DAB1: variants seen among roughly 807,000 people sequenced by gnomAD.
The protein encoded by DAB1 is disabled homolog 1.
In DAB1, 15 loss-of-function variants were observed where a neutral mutation model predicts 64.6. That is an observed-to-expected ratio of 0.23 (90% confidence interval 0.16 to 0.36). The LOEUF is 0.36. Ranked by LOEUF, DAB1 falls within the 10% of genes least tolerant of loss-of-function variation. DAB1 has a pLI of 1.00. For synonymous variants in DAB1, 235 were observed against 251.9 expected (o/e 0.93, Z 0.64); for missense variants, 596 against 706.7 (o/e 0.84, Z 1.78).
At chr1:58,224,465 T>C (rs535403030) in intron 4 of DAB1, among the ~76,000 whole-genome samples, 117 of 152,292 alleles carry the variant, frequency 7.7e-4, no homozygotes, top group African/African-American at 2.6e-3. Context: ...TATTTCTCCA[T>C]TTCCAGTTAT....
intron 3 of DAB1, among the ~76,000 whole-genome samples, chr1:58,416,307 AAAGAAAGT>A (rs1644719514): frequency 6.6e-6 from 1 of 152,174 alleles, no homozygotes; most frequent in Non-Finnish European, 1.5e-5. Context: ...GCATGACCCC[AAAGAAAGT>A]TATTTAATAC....
chr1:58,258,829 G>T (rs185808057), intron 4 of DAB1, among the ~76,000 whole-genome samples: 42 of 152,276 alleles, frequency 2.8e-4, no homozygotes, highest in Non-Finnish European at 3.5e-4. Context: ...TGCCATTGGG[G>T]ATCTGGCCAT....
chr1:58,413,318 C>T (rs753300973), intron 3 of DAB1, among the ~76,000 whole-genome samples: 5 of 152,168 alleles, frequency 3.3e-5, no homozygotes, highest in Non-Finnish European at 5.9e-5. Flanking sequence ...TAGGTAATTA[C>T]ATTAATTATC....
At position 57,926,276 on chromosome 1, in the gene DAB1, C is replaced by T. The variant is rs371218830; in HGVS notation, n.388-42114G>A. Among the ~76,000 whole-genome samples, 4 of 58,694 alleles carry T rather than the reference C, an allele frequency of 6.8e-5. No homozygotes were observed. The South Asian group carries it at 1.5e-3, about 22-fold the overall frequency. 38.5% of individuals were successfully genotyped at this position (58,694 alleles called of 152,430 possible). A position where few individuals can be genotyped will look rare whatever the true frequency, so the allele number is the denominator to read the frequency against. On this transcript the variant is annotated intron_variant and non_coding_transcript_variant, in intron 5 of 20. Coordinates refer to the DAB1 transcript ENST00000485760. ...CGTCCATAAAACTCTCTGAGTTCCA[C>T]TGAGAAAGGCCAGATTTTATGATAC... is the stretch of plus-strand genomic sequence containing the variant.
At chr1:57,805,165 G>A (rs529022250) in intron 6 of DAB1, among the ~76,000 whole-genome samples, 8 of 152,202 alleles carry the variant, frequency 5.3e-5, no homozygotes, top group South Asian at 4.2e-4. Context: ...ATGCTGCTAC[G>A]GACTTTCTCA....
chr1:57,069,168 A>T (rs759891668), intron 8 of DAB1, among the ~76,000 whole-genome samples, 192 bp downstream of exon 8: 1 of 152,198 alleles, frequency 6.6e-6, no homozygotes, highest in Non-Finnish European at 1.5e-5. Flanking sequence ...ACTGTACCTA[A>T]CTAGCTATTA....
chr1:57,057,101 G>T (rs540745940), intron 9 of DAB1, among the ~76,000 whole-genome samples: 8 of 152,248 alleles, frequency 5.3e-5, no homozygotes, highest in African/African-American at 1.4e-4. Flanking sequence ...AAAGATTCAA[G>T]GGATGAGGGT....
intron 7 of DAB1, among the ~76,000 whole-genome samples, chr1:57,567,145 C>A (rs2101523450): frequency 6.6e-6 from 1 of 152,238 alleles, no homozygotes; most frequent in Middle Eastern, 3.4e-3. Context: ...TAAATGTAAT[C>A]CAGCATATAA....
chr1:57,815,363 CG>C (rs1253519775), intron 6 of DAB1, among the ~76,000 whole-genome samples: 1 of 152,098 alleles, frequency 6.6e-6, no homozygotes, highest in Non-Finnish European at 1.5e-5. Context: ...ACCCCATGCC[CG>C]GCCAAAACTA....
At chr1:57,359,343 C>T (rs1679365444) in intron 1 of DAB1, among the ~76,000 whole-genome samples, 1 of 151,894 alleles carries the variant, frequency 6.6e-6, no homozygotes, top group Non-Finnish European at 1.5e-5. Flanking sequence ...GAAAAAAATG[C>T]TCAATATCAC....
intron 7 of DAB1, among the ~76,000 whole-genome samples, chr1:57,636,671 G>C (rs1286004554): frequency 2.6e-5 from 4 of 152,160 alleles, no homozygotes; most frequent in South Asian, 2.1e-4. Context: ...AAAAGAGCAG[G>C]GTGGGTCAAA....
intron 5 of DAB1, among the ~76,000 whole-genome samples, chr1:58,103,136 G>A (rs1351057678): frequency 6.6e-6 from 1 of 152,148 alleles, no homozygotes; most frequent in Non-Finnish European, 1.5e-5. Context: ...CCGATACGTG[G>A]TAATGCACCT....
At chr1:57,256,445 T>G (rs947054272) in intron 2 of DAB1, among the ~76,000 whole-genome samples, 1 of 152,176 alleles carries the variant, frequency 6.6e-6, no homozygotes, top group Non-Finnish European at 1.5e-5. Context: ...ATGTCATGTC[T>G]TTAAGCAAGT....
chr1:57,629,735 G>A (rs1455004844), intron 7 of DAB1, among the ~76,000 whole-genome samples: 6 of 143,236 alleles, frequency 4.2e-5, no homozygotes, highest in Admixed American at 7.0e-5. Flanking sequence ...TCAAGAACTT[G>A]AAAAAAAAAA....
At chr1:57,873,749 AT>A (rs1569894166) in intron 1 of DAB1, among the ~76,000 whole-genome samples, 1 of 152,210 alleles carries the variant, frequency 6.6e-6, no homozygotes, top group Non-Finnish European at 1.5e-5. Flanking sequence ...CATGGGGACA[AT>A]AAGAGTATTC....
intron 2 of DAB1, among the ~76,000 whole-genome samples, chr1:57,177,671 C>T (rs12040013): frequency 0.099 from 15,023 of 152,116 alleles, 1,627 homozygotes; most frequent in African/African-American, 0.27. Flanking sequence ...ATCACTATTC[C>T]ATATAAGGTA....
chr1:58,247,200 T>C (rs1338885861), intron 4 of DAB1, among the ~76,000 whole-genome samples: 1 of 151,944 alleles, frequency 6.6e-6, no homozygotes, highest in Admixed American at 6.5e-5. Context: ...TGAAATCATT[T>C]TGTCATCACT....
chr1:58,032,440 T>C (rs1335578298), intron 5 of DAB1, among the ~76,000 whole-genome samples: 1 of 152,212 alleles, frequency 6.6e-6, no homozygotes, highest in Non-Finnish European at 1.5e-5. Context: ...TCAAGCACAA[T>C]GCCTGGCACT....
intron 7 of DAB1, among the ~76,000 whole-genome samples, chr1:57,439,643 G>A (rs189023922): frequency 0.25 from 27,917 of 111,986 alleles, 4,907 homozygotes; most frequent in African/African-American, 0.38. Flanking sequence ...TAGCCAGGAT[G>A]GTCTTGATCT....
Sources: allele counts gnomAD v4.1 joint callset (sites outside exome capture counted in the v4.1 genomes callset), GRCh38; gene constraint gnomAD v4.1.1; transcripts MANE v1.5; gene names NCBI Gene and HGNC (gene_info 2026-07-23, HGNC 2026-07-21).